The following SYNPO variants were observed in gnomAD, a reference collection of about 807,000 sequenced individuals.
SYNPO encodes synaptopodin.
SYNPO carries 19 observed loss-of-function variants against 49.5 expected under a neutral mutation model. That is an observed-to-expected ratio of 0.38 (90% CI 0.27 to 0.56). SYNPO has a LOEUF of 0.56. Among genes scored for constraint, SYNPO ranks in the 20% least tolerant of loss-of-function variants. The probability of loss-of-function intolerance (pLI) is 0.68; values close to 1 mark genes in which losing one functional copy is unlikely to be tolerated. For missense variants in SYNPO, 1,131 were observed against 1,248.3 expected (o/e 0.91, Z 1.42); for synonymous variants, 536 against 548.0 (o/e 0.98, Z 0.31).
chr5:150,593,498 G>A, the SYNPO span, among the ~76,000 whole-genome samples: 1 of 152,060 alleles, frequency 6.6e-6, no homozygotes, highest in African/African-American at 2.4e-5. Context: ...GTCTTGCTCT[G>A]TCTTCCAGGC....
At chr5:150,592,313 A>T in the SYNPO span, among the ~76,000 whole-genome samples, 2 of 152,212 alleles carry the variant, frequency 1.3e-5, no homozygotes, top group African/African-American at 4.8e-5. Flanking sequence ...GTTATTTCTT[A>T]TTTATCTGAA....
chr5:150,620,895 T>TC (rs1561639610), intron 2 of SYNPO, among the ~76,000 whole-genome samples: 16 of 137,418 alleles, frequency 1.2e-4, no homozygotes, highest in East Asian at 9.0e-4. Context: ...TTTTTTCTTT[T>TC]TTTCTCTTTC....
chr5:150,615,208 G>C (rs1430353519), intron 1 of SYNPO: 1 of 152,224 alleles, frequency 6.6e-6, no homozygotes. Context: ...TTCCTCCTTG[G>C]GAGGGAACCT....
In SYNPO at chr5:150,615,486, G is replaced by T. The variant is rs1264248168; in HGVS notation, c.-265-2617G>T. 3.3e-5 allele frequency: 5 copies of T among 152,432 alleles called. No individual in the cohort carries two copies. The East Asian group carries it at 9.6e-4, about 29-fold the overall frequency. The allele number at this position is 152,432 out of a possible 1,614,324, so 9.4% of individuals were successfully genotyped here. ...CTGGCTCTACGGTGGGGGGATGACG[G>T]AGGTGGGTATCCAAGTGCTTAGAAT... On this transcript the variant is annotated intron_variant, in intron 1 of 2. Coordinates refer to the SYNPO transcript ENST00000394243.
intron 2 of SYNPO, among the ~76,000 whole-genome samples, chr5:150,626,688 G>A (rs891075589): frequency 2.6e-5 from 4 of 152,196 alleles, no homozygotes; most frequent in Admixed American, 2.0e-4. Context: ...GCATTCAGGC[G>A]CGTGGTTCCT....
rs1388002584 is a variant in SYNPO at position 150,656,499 on chromosome 5, G to C, written c.2124G>C (p.Trp708Cys). Residue 708 changes from tryptophan (W) to cysteine (C), a missense_variant, in exon 3 of 3, where the codon TGG (tryptophan) becomes TGC (cysteine). Coordinates refer to ENST00000307662, the MANE Select transcript of SYNPO (RefSeq NM_007286.6). ...ACGGCTGGGTGAGCCCGGGCCCGTG[G>C]GAGCCAGGTCGCGGGAGCAGCATGA... ...SLDGWVSPGP[W>C]EPGRGSSMSS... The C allele has an allele frequency of 6.5e-7, 1 of 1,532,272 alleles. No homozygotes were observed. The allele number at this position is 1,532,272 out of a possible 1,614,324, so 94.9% of individuals were successfully genotyped here. A position where few individuals can be genotyped will look rare whatever the true frequency, so the allele number is the denominator to read the frequency against.
intron 2 of SYNPO, chr5:150,651,199 G>A: frequency 9.9e-7 from 1 of 1,011,108 alleles, no homozygotes; most frequent in Non-Finnish European, 1.2e-6. Context: ...TCCATTGGCT[G>A]TTTTGGCTTC....
chr5:150,591,362 C>A, the SYNPO span, among the ~76,000 whole-genome samples: 17 of 152,218 alleles, frequency 1.1e-4, no homozygotes, highest in Non-Finnish European at 2.2e-4. Context: ...TCCCCCAGAA[C>A]TGCAGCATGC....
At chr5:150,641,053 C>T (rs571347693) in intron 1 of SYNPO, among the ~76,000 whole-genome samples, 199 bp downstream of exon 1, 6 of 152,298 alleles carry the variant, frequency 3.9e-5, no homozygotes, top group Admixed American at 3.9e-4. Context: ...CTCCCATGCC[C>T]GGCAGTCCTT....
At position 150,657,932 on chromosome 5, in the gene SYNPO, A is replaced by G. The variant is rs944643411; in HGVS notation, c.*845A>G. 2.0e-5 allele frequency: 3 copies of G among 152,402 alleles called. No individual in the cohort carries two copies. Among genetic ancestry groups the G allele is most frequent in the Admixed American group, 6.5e-5 (1 of 15,280 alleles). 9.4% of individuals were successfully genotyped at this position (152,402 alleles called of 1,614,324 possible). ...GGCCCAGGACTTGGGCCTCCAGCTC[A>G]TCTGTTCCTTCTGGGCCCATTCATG... On this transcript the variant is annotated 3_prime_UTR_variant, in exon 3 of 3. Coordinates refer to ENST00000307662, the MANE Select transcript of SYNPO (RefSeq NM_007286.6).
chr5:150,603,251 C>T lies in SYNPO; in HGVS notation c.-266+2063C>T, dbSNP rs138749854. On this transcript the variant is annotated intron_variant, in intron 1 of 2. Coordinates refer to the SYNPO transcript ENST00000394243. The stretch of plus-strand genomic sequence containing the variant: ...CCAGGATGGGTGGGTAGGCGAGAGG[C>T]CACCCTGGCCTTGGCCTTTCCTGCC... 1.4e-4 allele frequency among the ~76,000 whole-genome samples: 22 copies of T among 152,350 alleles called. No individual in the cohort carries two copies. The East Asian group carries it at 4.1e-3, about 28-fold the overall frequency.
At position 150,656,885 on chromosome 5, in the gene SYNPO, G is replaced by A. The variant is rs1008262387; in HGVS notation, c.2510G>A (p.Ser837Asn). The change falls in exon 3 of 3, where the codon AGT becomes AAT. Residue 837 changes from serine (S) to asparagine (N), a missense_variant. Transcript: ENST00000307662. Reference sequence around the variant, plus strand: ...CCCGCCGGTCCTTCGTCCTGCACCAGTCCCCGGAGCCCGCTGCCCGCGCCT... The same window carrying A: ...CCCGCCGGTCCTTCGTCCTGCACCAATCCCCGGAGCCCGCTGCCCGCGCCT... ...PLPAGPSSCT[S>N]PRSPLPAPPR... 2.0e-5 allele frequency: 31 copies of A among 1,576,228 alleles called. No homozygotes were observed. Among genetic ancestry groups the A allele is most frequent in the Non-Finnish European group, 2.7e-5 (31 of 1,162,538 alleles).
At chr5:150,642,108 G>T (rs1757930068) in intron 1 of SYNPO, among the ~76,000 whole-genome samples, 1 of 152,366 alleles carries the variant, frequency 6.6e-6, no homozygotes, top group South Asian at 2.1e-4. Context: ...GGGAGCTGTT[G>T]TAAGAACTGA....
intron 2 of SYNPO, among the ~76,000 whole-genome samples, chr5:150,634,888 A>C (rs538777038): frequency 6.6e-6 from 1 of 151,258 alleles, no homozygotes; most frequent in African/African-American, 2.4e-5. Flanking sequence ...CAAAGGGGAC[A>C]CTCTCCACAG....
In SYNPO at chr5:150,640,749, G is replaced by C. The variant is rs922457547; in HGVS notation, c.-438G>C. On this transcript the variant is annotated 5_prime_UTR_variant, in exon 1 of 3. Coordinates refer to ENST00000307662, the MANE Select transcript of SYNPO (RefSeq NM_007286.6). ...GCCGATGTGGGATTTTCCTGGCTTC[G>C]TCAGCCAAGCAATTGGCTGCCTTTG... The C allele has an allele frequency of 3.0e-6, 3 of 985,502 alleles. No homozygotes were observed. In the African/African-American group the frequency reaches 5.2e-5, roughly 17 times the overall value. 61.0% of individuals were successfully genotyped at this position (985,502 alleles called of 1,614,324 possible).
At chr5:150,650,996 T>A in intron 2 of SYNPO, 1 of 1,241,210 alleles carries the variant, frequency 8.1e-7, no homozygotes, top group African/African-American at 1.6e-5. Flanking sequence ...ACGCTTTTCT[T>A]CCTGCCCCCT....
intron 1 of SYNPO, among the ~76,000 whole-genome samples, chr5:150,614,304 G>A (rs1405732493): frequency 6.6e-6 from 1 of 152,214 alleles, no homozygotes; most frequent in African/African-American, 2.4e-5. Flanking sequence ...CACACACACA[G>A]CAGCAGAAGG....
At chr5:150,635,545 T>C (rs900413378) in intron 2 of SYNPO, among the ~76,000 whole-genome samples, 4 of 152,352 alleles carry the variant, frequency 2.6e-5, no homozygotes, top group Admixed American at 1.3e-4. Flanking sequence ...CTGGGCTCAC[T>C]GTGACCTCCA....
chr5:150,612,944 A>G (rs1756888957), intron 1 of SYNPO, among the ~76,000 whole-genome samples: 1 of 152,034 alleles, frequency 6.6e-6, no homozygotes, highest in Admixed American at 6.6e-5. Flanking sequence ...ATGCCTGGCT[A>G]ATATTTAATG....
Sources: allele counts gnomAD v4.1 joint callset (sites outside exome capture counted in the v4.1 genomes callset), GRCh38; gene constraint gnomAD v4.1.1; transcripts MANE v1.5; gene names NCBI Gene and HGNC (gene_info 2026-07-23, HGNC 2026-07-21).